The following PTPRD variants were observed in gnomAD, a reference collection of about 807,000 sequenced individuals.
PTPRD encodes the protein protein tyrosine phosphatase receptor type D, also known as receptor-type tyrosine-protein phosphatase delta.
A neutral mutation model predicts 214.5 loss-of-function variants in PTPRD; 34 were observed. The ratio of observed to expected loss-of-function variants is 0.16; its 90% CI spans 0.12 to 0.21. The LOEUF (loss-of-function observed/expected upper bound fraction) is 0.21. PTPRD is among the 10% of genes least tolerant of loss of function. The pLI is 1.00. For missense variants in PTPRD, 2,545 were observed against 2,398.7 expected (o/e 1.06, Z -1.27); for synonymous variants, 1,128 against 845.7 (o/e 1.33, Z -5.79).
At chr9:8,383,439 T>C (rs2085841392) in intron 37 of PTPRD, among the ~76,000 whole-genome samples, 1 of 152,158 alleles carries the variant, frequency 6.6e-6, no homozygotes, top group Non-Finnish European at 1.5e-5. Flanking sequence ...CCTGCATTCA[T>C]TAGCACAAAC....
intron 12 of PTPRD, among the ~76,000 whole-genome samples, chr9:8,693,251 C>T (rs1381141541): frequency 6.6e-6 from 1 of 152,162 alleles, no homozygotes; most frequent in Non-Finnish European, 1.5e-5. Flanking sequence ...TTCCTGAAAC[C>T]TTACTCAGTT....
intron 10 of PTPRD, among the ~76,000 whole-genome samples, chr9:9,054,065 A>G (rs2154396515): frequency 6.6e-6 from 1 of 152,318 alleles, no homozygotes; most frequent in East Asian, 1.9e-4. Flanking sequence ...TTAAAGTCCC[A>G]TATCATGTAT....
At chr9:9,743,771 ATT>A (rs2098430459) in intron 6 of PTPRD, among the ~76,000 whole-genome samples, 7 of 118,676 alleles carry the variant, frequency 5.9e-5, no homozygotes, top group African/African-American at 8.5e-5. Flanking sequence ...CACACACACA[ATT>A]TATACTGACT....
intron 9 of PTPRD, among the ~76,000 whole-genome samples, chr9:9,219,690 G>C (rs1477808722): frequency 1.3e-5 from 2 of 152,152 alleles, no homozygotes; most frequent in East Asian, 3.9e-4. Flanking sequence ...CTGGTGGAAG[G>C]ATTAGACATT....
chr9:8,379,761 T>C (rs990389594), intron 37 of PTPRD, among the ~76,000 whole-genome samples: 2 of 152,156 alleles, frequency 1.3e-5, no homozygotes, highest in Admixed American at 6.6e-5. Context: ...ACATAAGAAC[T>C]AGAAGGCAGG....
intron 12 of PTPRD, 110 bp from the exon 13 acceptor site, chr9:8,636,954 C>T (rs1454628436): frequency 3.7e-6 from 4 of 1,091,378 alleles, no homozygotes; most frequent in Non-Finnish European, 5.2e-6. Context: ...TCAAGACATA[C>T]ATTTTTACAA....
At chr9:8,610,082 G>A (rs991049787) in intron 14 of PTPRD, among the ~76,000 whole-genome samples, 6 of 152,064 alleles carry the variant, frequency 3.9e-5, no homozygotes, top group African/African-American at 1.4e-4. Context: ...AGACTAAAGT[G>A]GTTTAAGAGT....
At chr9:8,614,617 C>T (rs2095551550) in intron 14 of PTPRD, among the ~76,000 whole-genome samples, 1 of 152,038 alleles carries the variant, frequency 6.6e-6, no homozygotes, top group Admixed American at 6.6e-5. Context: ...CATATCTTTG[C>T]AAAGATAACT....
chr9:9,802,239 T>A (rs2099045406), intron 5 of PTPRD, among the ~76,000 whole-genome samples: 1 of 151,948 alleles, frequency 6.6e-6, no homozygotes. Context: ...ATGGAAGTGT[T>A]TGAGATCAAG....
In PTPRD at chr9:9,515,316, G is replaced by C. The variant is rs571988694; in HGVS notation, c.-237+59416C>G. ...TTATTTGTTTGGAGTCTCCAAGTTT[G>C]AATATCTATGAGATTTTAAAAACAC... On this transcript the variant is annotated intron_variant, in intron 8 of 45. Coordinates refer to ENST00000381196, the MANE Select transcript of PTPRD (RefSeq NM_002839.4). Among the ~76,000 whole-genome samples, 92 of 152,084 alleles carry C rather than the reference G, an allele frequency of 6.0e-4. 1 individual carries two copies. The highest frequency in any genetic ancestry group is 2.0e-3 in the African/African-American group (84 of 41,502).
chr9:8,625,681 T>G (rs577144554), intron 14 of PTPRD, among the ~76,000 whole-genome samples: 1 of 151,710 alleles, frequency 6.6e-6, no homozygotes, highest in Admixed American at 6.6e-5. Context: ...AAATCTACTG[T>G]GTTAAAGGGT....
intron 10 of PTPRD, among the ~76,000 whole-genome samples, chr9:9,089,384 C>A (rs2099772219): frequency 6.6e-6 from 1 of 152,148 alleles, no homozygotes; most frequent in African/African-American, 2.4e-5. Context: ...GGGCACAGTG[C>A]TCAAATAATG....
chr9:9,139,619 G>A (rs62529501), intron 10 of PTPRD, among the ~76,000 whole-genome samples: 49,622 of 151,750 alleles, frequency 0.33, 8,644 homozygotes, highest in Non-Finnish European at 0.39. Context: ...ACAAAGGGTG[G>A]ATTCATGTCC....
chr9:9,691,269 A>C (rs938440835), intron 7 of PTPRD, among the ~76,000 whole-genome samples: 1 of 151,752 alleles, frequency 6.6e-6, no homozygotes, highest in Admixed American at 6.6e-5. Flanking sequence ...AGCCATCCCT[A>C]CCTCCCTCCC....
intron 3 of PTPRD, among the ~76,000 whole-genome samples, chr9:10,155,032 T>A (rs1343299513): frequency 6.6e-6 from 1 of 152,110 alleles, no homozygotes; most frequent in East Asian, 1.9e-4. Context: ...TGAATTGTTT[T>A]GGGAAGTATG....
intron 6 of PTPRD, among the ~76,000 whole-genome samples, chr9:9,758,281 T>C (rs1250565527): frequency 6.6e-6 from 1 of 152,108 alleles, no homozygotes; most frequent in East Asian, 1.9e-4. Context: ...GCTTGGCTTT[T>C]GTATATTTTT....
chr9:9,147,340 A>G (rs2099870342), intron 10 of PTPRD, among the ~76,000 whole-genome samples: 1 of 151,868 alleles, frequency 6.6e-6, no homozygotes, highest in Non-Finnish European at 1.5e-5. Context: ...GGAGGGGATT[A>G]ATACTGTTAT....
chr9:9,023,330 T>C (rs2099575923), intron 10 of PTPRD, among the ~76,000 whole-genome samples: 1 of 152,122 alleles, frequency 6.6e-6, no homozygotes, highest in Admixed American at 6.6e-5. Flanking sequence ...AAATATCAAC[T>C]CTTCATATAT....
At chr9:10,449,685 G>T (rs1438539847) in intron 2 of PTPRD, among the ~76,000 whole-genome samples, 6 of 144,168 alleles carry the variant, frequency 4.2e-5, no homozygotes, top group African/African-American at 1.7e-4. Flanking sequence ...CTGCCCGGCC[G>T]CCCCGTCTGA....
Sources: allele counts gnomAD v4.1 joint callset (sites outside exome capture counted in the v4.1 genomes callset), GRCh38; gene constraint gnomAD v4.1.1; transcripts MANE v1.5; gene names NCBI Gene and HGNC (gene_info 2026-07-23, HGNC 2026-07-21).